Variants in HDAC9 observed in about 807,000 individuals in gnomAD.
HDAC9 encodes MEF-2 interacting transcription repressor (MITR) protein.
In HDAC9, 41 loss-of-function variants were observed where a neutral mutation model predicts 139.4. The observed-to-expected ratio is 0.29, with a 90% CI of 0.23 to 0.38. The LOEUF (loss-of-function observed/expected upper bound fraction) is 0.38, where lower values mean the gene tolerates loss of function less well. HDAC9 is among the 10% of genes least tolerant of loss of function. The pLI, the probability that HDAC9 is intolerant of heterozygous loss-of-function variation, is 1.00. For missense variants in HDAC9, 1,147 were observed against 1,297.0 expected (o/e 0.88, Z 1.78); for synonymous variants, 517 against 476.2 (o/e 1.09, Z -1.12).
chr7:18,499,347 G>T (rs1192435792), intron 2 of HDAC9, among the ~76,000 whole-genome samples: 1 of 151,842 alleles, frequency 6.6e-6, no homozygotes, highest in Non-Finnish European at 1.5e-5. Flanking sequence ...TTTTTTTATG[G>T]TTGTATGTTT....
At chr7:18,349,898 G>A (rs984337756) in intron 1 of HDAC9, among the ~76,000 whole-genome samples, 5 of 151,956 alleles carry the variant, frequency 3.3e-5, no homozygotes, top group African/African-American at 1.2e-4. Context: ...TGGAAATTAG[G>A]GCTTTGGAAC....
Position 18,786,469 on chromosome 7 carries a change from T to TCTTTCTTTCCTTCCTTC in HDAC9, c.2215-6875_2215-6874insTTTCTTTCCTTCCTTCC, listed in dbSNP as rs1562940422. On this transcript the variant is annotated intron_variant, in intron 16 of 25. Coordinates refer to ENST00000686413, the MANE Select transcript of HDAC9 (RefSeq NM_178425.4). ...CCCATCGCCCTTTCCTTCCTTCCTT[T>TCTTTCTTTCCTTCCTTC]CGTCCTTCCTTCCTTTCTTCCTTCC... Among the ~76,000 whole-genome samples, 37 of 16,264 alleles carry TCTTTCTTTCCTTCCTTC rather than the reference T, an allele frequency of 2.3e-3. 4 individuals are homozygous for TCTTTCTTTCCTTCCTTC. The highest frequency in any genetic ancestry group is 4.1e-3 in the African/African-American group (35 of 8,630). The allele number at this position is 16,264 out of a possible 152,430, so 10.7% of individuals were successfully genotyped here.
intron 1 of HDAC9, among the ~76,000 whole-genome samples, chr7:18,440,629 G>A (rs1025156873): frequency 4.6e-5 from 7 of 151,844 alleles, no homozygotes; most frequent in Admixed American, 4.6e-4. Context: ...TTCTATTTCT[G>A]ATATTATTTT....
intron 2 of HDAC9, among the ~76,000 whole-genome samples, chr7:18,257,468 A>G (rs1289405482): frequency 4.6e-5 from 7 of 151,858 alleles, no homozygotes; most frequent in African/African-American, 1.7e-4. Context: ...AGCATAAATT[A>G]AAGATGAAGT....
chr7:18,456,149 C>G (rs534421189), intron 1 of HDAC9, among the ~76,000 whole-genome samples: 43 of 152,136 alleles, frequency 2.8e-4, no homozygotes, highest in Admixed American at 1.6e-3. Context: ...TGAGCTAGAA[C>G]AAATTTTGAT....
chr7:18,930,719 A>G (rs1804666223), intron 22 of HDAC9, among the ~76,000 whole-genome samples: 1 of 152,242 alleles, frequency 6.6e-6, no homozygotes, highest in Admixed American at 6.5e-5. Context: ...TGCATAACTT[A>G]GAGTTCAGCT....
rs1173916591 is a variant in HDAC9, at chr7:18,449,705, CAGA to C, written c.-41-46556_-41-46554del. Among the ~76,000 whole-genome samples, 12 of 152,170 alleles carry C rather than the reference CAGA, an allele frequency of 7.9e-5. 1 individual carries two copies. In the Middle Eastern group the frequency reaches 0.01, roughly 129 times the overall value. On this transcript the variant is annotated intron_variant, in intron 1 of 3. Coordinates refer to the HDAC9 transcript ENST00000413509. ...TACTTTCTCCATTAAAGAAGGAGCTCAGAGTTATAAATATTACTGAAAATTTTA... is the reference window on the plus strand; with the variant it reads ...TACTTTCTCCATTAAAGAAGGAGCTCGTTATAAATATTACTGAAAATTTTA...
chr7:18,757,069 GT>G (rs200979434), intron 14 of HDAC9, among the ~76,000 whole-genome samples: 329 of 150,926 alleles, frequency 2.2e-3, no homozygotes, highest in Admixed American at 4.8e-3. Flanking sequence ...ATATTTTTAT[GT>G]TTTTTTTTAA....
intron 8 of HDAC9, among the ~76,000 whole-genome samples, chr7:18,640,026 C>G: frequency 6.6e-6 from 1 of 151,932 alleles, no homozygotes; most frequent in East Asian, 1.9e-4. Context: ...TTCTGATTCT[C>G]ATGCATATTG....
intron 17 of HDAC9, among the ~76,000 whole-genome samples, chr7:18,811,255 CATT>C (rs1233138135): frequency 1.3e-5 from 2 of 151,280 alleles, no homozygotes; most frequent in Non-Finnish European, 3.0e-5. Context: ...CTGACTTCAT[CATT>C]ATTATTTCTC....
intron 1 of HDAC9, among the ~76,000 whole-genome samples, chr7:18,379,305 C>T (rs964359294): frequency 6.6e-6 from 1 of 152,178 alleles, no homozygotes; most frequent in Admixed American, 6.5e-5. Flanking sequence ...GCTAGAAGTT[C>T]TGTCAGTAGA....
chr7:18,207,559 A>ATTTTTTTTTTTTTTTTTTTTCT (rs1584636090), intron 2 of HDAC9, among the ~76,000 whole-genome samples: 2 of 37,348 alleles, frequency 5.4e-5, no homozygotes, highest in African/African-American at 1.0e-4. Context: ...TTTTTTTTTG[A>ATTTTTTTTTTTTTTTTTTTTCT]TTTGAGCTTT....
intron 12 of HDAC9, among the ~76,000 whole-genome samples, chr7:18,686,024 T>A (rs950301539): frequency 2.6e-5 from 4 of 151,880 alleles, no homozygotes; most frequent in Non-Finnish European, 5.9e-5. Context: ...AAAGAAAAAA[T>A]GAAGACTTCA....
intron 1 of HDAC9, among the ~76,000 whole-genome samples, chr7:18,489,218 A>C (rs1586248743): frequency 6.6e-6 from 1 of 152,040 alleles, no homozygotes; most frequent in Non-Finnish European, 1.5e-5. Context: ...AAAATGAACT[A>C]TTTTTTCAAG....
At chr7:18,392,934 A>AAG (rs1313573431) in intron 1 of HDAC9, among the ~76,000 whole-genome samples, 1 of 150,894 alleles carries the variant, frequency 6.6e-6, no homozygotes, top group Admixed American at 6.6e-5. Flanking sequence ...AAAAAAAAAA[A>AAG]AAAAAAAAAG....
In HDAC9 at chr7:18,666,459, G is replaced by C. The variant is rs374494408; in HGVS notation, c.1714G>C (p.Ala572Pro). The stretch of plus-strand genomic sequence containing the variant: ...CCAGGAAATGGAATCTGGGGAGCAG[G>C]CTGCTTTTATGCAACAGGTAATAGG... ...QIQEMESGEQ[A>P]AFMQQPFLEP... Residue 572 changes from alanine (A) to proline (P), a missense_variant, in exon 12 of 26, where the codon GCT (alanine) becomes CCT (proline). By Grantham distance (27) the Ala-to-Pro change is conservative. Transcript: ENST00000686413. 5 of 1,609,884 alleles carry C rather than the reference G, an allele frequency of 3.1e-6. No individual in the cohort carries two copies. Among genetic ancestry groups the C allele is most frequent in the African/African-American group, 2.7e-5 (2 of 74,844 alleles).
intron 2 of HDAC9, among the ~76,000 whole-genome samples, chr7:18,165,686 A>G (rs1787960906): frequency 6.6e-6 from 1 of 151,958 alleles, no homozygotes; most frequent in African/African-American, 2.4e-5. Flanking sequence ...GCTACTTAGG[A>G]AGCTGAGGTG....
At chr7:18,387,483 C>G (rs919066026) in intron 1 of HDAC9, among the ~76,000 whole-genome samples, 1 of 152,158 alleles carries the variant, frequency 6.6e-6, no homozygotes, top group Non-Finnish European at 1.5e-5. Flanking sequence ...ATATTTTAAA[C>G]AGTTGTCGTG....
At chr7:18,358,649 G>A (rs1017459707) in intron 1 of HDAC9, among the ~76,000 whole-genome samples, 1 of 152,150 alleles carries the variant, frequency 6.6e-6, no homozygotes, top group South Asian at 2.1e-4. Context: ...TCATTGTTAG[G>A]AACTTATCTT....
Sources: allele counts gnomAD v4.1 joint callset (sites outside exome capture counted in the v4.1 genomes callset), GRCh38; gene constraint gnomAD v4.1.1; transcripts MANE v1.5; gene names NCBI Gene and HGNC (gene_info 2026-07-23, HGNC 2026-07-21).